CSMD3: variants seen among roughly 807,000 people sequenced by gnomAD.
CSMD3 encodes the protein CUB and Sushi multiple domains 3.
Under a neutral mutation model 435.2 loss-of-function variants are expected in CSMD3, and 177 were observed. That is an observed-to-expected ratio of 0.41 (90% CI 0.36 to 0.46). The LOEUF is 0.46. CSMD3 is among the 20% of genes least tolerant of loss of function. The pLI, the probability that CSMD3 is intolerant of heterozygous loss-of-function variation, is 0.34. For synonymous variants in CSMD3, 1,656 were observed against 1,520.5 expected, an observed-to-expected ratio of 1.09 and a Z score of -2.07; for missense variants, 4,265 against 4,504.6, an observed-to-expected ratio of 0.95 and a Z score of 1.52.
rs941070615 is a variant in CSMD3, at chr8:112,352,638, A to G, written c.6137-104T>C. On this transcript the variant is annotated intron_variant, in intron 38 of 70. Transcript: ENST00000297405. ...TTGAATATCAGTGTCTCATCAAACT[A>G]GATACTATATTGAGACGTTGAGAAC... 5 of 987,630 alleles carry G rather than the reference A, an allele frequency of 5.1e-6. No homozygotes were observed. In the African/African-American group the frequency reaches 7.9e-5, roughly 16 times the overall value. The allele number at this position is 987,630 out of a possible 1,614,324, so 61.2% of individuals were successfully genotyped here.
At chr8:113,026,546 T>C (rs1366980402) in intron 5 of CSMD3, among the ~76,000 whole-genome samples, 1 of 152,204 alleles carries the variant, frequency 6.6e-6, no homozygotes, top group Non-Finnish European at 1.5e-5. Context: ...TTTCCTATTA[T>C]TTTACATTTT....
Position 112,494,773 on chromosome 8 carries a change from C to A in CSMD3, c.5084-2090G>T, listed in dbSNP as rs1016284208. Among the ~76,000 whole-genome samples the A allele has an allele frequency of 2.6e-5, 4 of 151,966 alleles. No homozygotes were observed. The South Asian group carries it at 8.3e-4, about 32-fold the overall frequency. On this transcript the variant is annotated intron_variant, in intron 30 of 70. Transcript: ENST00000297405. ...CAGGAACCTCACTAAAAAGTGGTATCTAAAGTGAGCATTGAGAGAATAAGG... is the reference window on the plus strand; with the variant it reads ...CAGGAACCTCACTAAAAAGTGGTATATAAAGTGAGCATTGAGAGAATAAGG...
intron 4 of CSMD3, among the ~76,000 whole-genome samples, chr8:113,126,594 T>C (rs1197898498): frequency 2.0e-5 from 3 of 151,824 alleles, no homozygotes; most frequent in Admixed American, 2.0e-4. Context: ...GATGAGAGAA[T>C]ACAATTTGAG....
chr8:112,794,773 A>G (rs7824842), intron 13 of CSMD3, among the ~76,000 whole-genome samples: 7 of 152,186 alleles, frequency 4.6e-5, no homozygotes, highest in Non-Finnish European at 8.8e-5. Flanking sequence ...AGAGAAAAAA[A>G]TTACCCCCTT....
intron 22 of CSMD3, among the ~76,000 whole-genome samples, chr8:112,624,299 A>G (rs1834313145): frequency 6.6e-6 from 1 of 152,100 alleles, no homozygotes; most frequent in Admixed American, 6.6e-5. Flanking sequence ...AAACAAATTC[A>G]AGAAAAACTT....
At chr8:113,292,692 T>C (rs1490008875) in intron 2 of CSMD3, among the ~76,000 whole-genome samples, 6 of 151,882 alleles carry the variant, frequency 4.0e-5, no homozygotes, top group Admixed American at 2.0e-4. Context: ...CTGTTAAACA[T>C]AGTAGTTATA....
intron 7 of CSMD3, among the ~76,000 whole-genome samples, chr8:112,959,521 T>C (rs1445359625): frequency 1.3e-5 from 2 of 151,902 alleles, no homozygotes; most frequent in Non-Finnish European, 2.9e-5. Context: ...CTTGTTTATG[T>C]TTTTGTTTAT....
At chr8:112,661,117 T>G (rs918635662) in intron 17 of CSMD3, among the ~76,000 whole-genome samples, 7 of 152,126 alleles carry the variant, frequency 4.6e-5, no homozygotes, top group African/African-American at 1.7e-4. Flanking sequence ...CTAGCCTAAT[T>G]TAAAAGATTT....
chr8:112,859,240 C>T lies in CSMD3; in HGVS notation c.1660G>A (p.Gly554Arg). The T allele has an allele frequency of 1.2e-6, 2 of 1,611,198 alleles. No individual in the cohort carries two copies. Among genetic ancestry groups the T allele is most frequent in the Non-Finnish European group, 1.7e-6 (2 of 1,177,860 alleles). Residue 554 changes from glycine (G) to arginine (R), a missense_variant, in exon 11 of 71, where the codon GGA becomes AGA. Physicochemically the swap from Gly to Arg is moderately radical, Grantham distance 125. Around this residue, in one of 3 missense-constraint regions of CSMD3, gnomAD observed 731 missense variants for 755.4 expected, o/e 0.97. Transcript: ENST00000297405. ...KVKTCGSNLQ[G>R]PSGTFTSPNF... is the part of the protein sequence containing the mutation. ...GGAGATGTAAAGGTACCACTTGGTCCTTGAAGATTAGAGCCACACGTTTTC... is the reference window on the plus strand; with the variant it reads ...GGAGATGTAAAGGTACCACTTGGTCTTTGAAGATTAGAGCCACACGTTTTC...
intron 2 of CSMD3, among the ~76,000 whole-genome samples, chr8:113,301,148 T>G (rs1249771606): frequency 6.6e-6 from 1 of 152,038 alleles, no homozygotes; most frequent in Non-Finnish European, 1.5e-5. Flanking sequence ...TGCTTGTTAC[T>G]GGTAGGGTGA....
intron 13 of CSMD3, among the ~76,000 whole-genome samples, chr8:112,726,610 A>C (rs528828706): frequency 1.3e-5 from 2 of 151,948 alleles, no homozygotes; most frequent in South Asian, 4.1e-4. Context: ...GTTAAATTAC[A>C]TATGGAGCTT....
chr8:113,090,650 A>G (rs548592285), intron 5 of CSMD3, among the ~76,000 whole-genome samples: 3 of 152,054 alleles, frequency 2.0e-5, no homozygotes, highest in East Asian at 3.9e-4. Context: ...AACATCTTCA[A>G]TCTCCTCCTC....
chr8:112,904,771 A>T (rs374739324), intron 10 of CSMD3, among the ~76,000 whole-genome samples: 1 of 151,376 alleles, frequency 6.6e-6, no homozygotes, highest in African/African-American at 2.4e-5. Context: ...CTAGATTTTC[A>T]TCTTGTGAGC....
rs902507283 is a variant in CSMD3, at chr8:113,320,626, CT to C, written c.179-5834del. The stretch of plus-strand genomic sequence containing the variant: ...GACCTTTCCATTTTCAAAATCAGTT[CT>C]TTTTTAAAAAATTGTTCTTGTCATC... On this transcript the variant is annotated intron_variant, in intron 1 of 70. Coordinates refer to ENST00000297405, the MANE Select transcript of CSMD3 (RefSeq NM_198123.2). Among the ~76,000 whole-genome samples, 4 of 151,990 alleles carry C rather than the reference CT, an allele frequency of 2.6e-5. No homozygotes were observed. The South Asian group carries it at 8.3e-4, about 31-fold the overall frequency.
chr8:112,953,622 G>T (rs1406929592), intron 8 of CSMD3, among the ~76,000 whole-genome samples: 2 of 151,302 alleles, frequency 1.3e-5, no homozygotes, highest in Non-Finnish European at 3.0e-5. Flanking sequence ...TGAAAATTAT[G>T]ACACCATTAA....
At chr8:112,906,439 C>G (rs1373706276) in intron 10 of CSMD3, among the ~76,000 whole-genome samples, 1 of 150,900 alleles carries the variant, frequency 6.6e-6, no homozygotes, top group Non-Finnish European at 1.5e-5. Flanking sequence ...TCAACTTCTT[C>G]AAAAAAGCAA....
intron 4 of CSMD3, among the ~76,000 whole-genome samples, chr8:113,166,615 G>C (rs1384165932): frequency 2.0e-5 from 3 of 152,114 alleles, no homozygotes; most frequent in African/African-American, 7.2e-5. Context: ...GAAATGCTAT[G>C]TTAACTTTGG....
intron 13 of CSMD3, among the ~76,000 whole-genome samples, chr8:112,741,262 A>G (rs573663695): frequency 6.6e-6 from 1 of 152,072 alleles, no homozygotes; most frequent in East Asian, 1.9e-4. Flanking sequence ...CTACAACTCA[A>G]TAGCAATTTT....
intron 2 of CSMD3, among the ~76,000 whole-genome samples, chr8:113,298,461 T>C (rs898459698): frequency 3.3e-5 from 5 of 152,176 alleles, no homozygotes; most frequent in African/African-American, 1.2e-4. Flanking sequence ...GCAAATTAAT[T>C]TGTTAAATCT....
Sources: gnomAD v4.1 joint callset for allele counts (sites outside exome capture counted in the v4.1 genomes callset) on GRCh38, gnomAD v4.1.1 for gene constraint, gnomAD v4.1.1 regional missense constraint, MANE v1.5 for transcripts, NCBI Gene and HGNC (gene_info 2026-07-23, HGNC 2026-07-21) for gene names.